CCSER1: variants seen among roughly 807,000 people sequenced by gnomAD.
The protein encoded by CCSER1 is serine-rich coiled-coil domain-containing protein 1.
A neutral mutation model predicts 82.0 loss-of-function variants in CCSER1; 41 were observed. The ratio of observed to expected loss-of-function variants is 0.50; its 90% confidence interval spans 0.39 to 0.65. CCSER1 has a LOEUF of 0.65. Ranked by LOEUF, CCSER1 falls within the 30% of genes least tolerant of loss-of-function variation. The pLI is 0.00. For synonymous variants in CCSER1, 414 were observed against 383.9 expected (o/e 1.08, Z -0.92); for missense variants, 1,119 against 1,064.2 (o/e 1.05, Z -0.72).
chr4:91,049,181 A>G (rs890836224), intron 9 of CCSER1, among the ~76,000 whole-genome samples: 2 of 152,180 alleles, frequency 1.3e-5, no homozygotes. Flanking sequence ...CAATGAAGAT[A>G]TGTTTTGTTT....
chr4:90,230,765 C>T lies in CCSER1; in HGVS notation c.-41-77479C>T, dbSNP rs1246647090. On this transcript the variant is annotated intron_variant, in intron 1 of 10. Coordinates refer to ENST00000509176, the MANE Select transcript of CCSER1 (RefSeq NM_001145065.2). The stretch of plus-strand genomic sequence containing the variant: ...AAAAAAGAGAGAAGAATCAAATAGA[C>T]GCAATAAAAAATGATAAAGGGGATA... Among the ~76,000 whole-genome samples, 700 of 151,428 alleles carry T rather than the reference C, an allele frequency of 4.6e-3. 6 individuals carry two copies. Among genetic ancestry groups the T allele is most frequent in the African/African-American group, 0.014 (592 of 41,294 alleles).
intron 10 of CCSER1, among the ~76,000 whole-genome samples, chr4:91,481,361 C>T (rs1054070592): frequency 1.3e-5 from 2 of 152,008 alleles, no homozygotes; most frequent in African/African-American, 4.8e-5. Flanking sequence ...TCTCTGTGTT[C>T]TCACGTGATC....
At chr4:91,114,046 G>T (rs1037888545) in intron 10 of CCSER1, among the ~76,000 whole-genome samples, 7 of 152,140 alleles carry the variant, frequency 4.6e-5, no homozygotes, top group African/African-American at 7.2e-5. Context: ...TAGAGACGGG[G>T]TTTCATCGTG....
chr4:90,659,964 GT>G (rs1730447160), intron 6 of CCSER1, among the ~76,000 whole-genome samples: 2 of 151,374 alleles, frequency 1.3e-5, no homozygotes, highest in Admixed American at 1.3e-4. Context: ...TTTTAGTGAG[GT>G]TTTTTGTTGT....
chr4:91,083,421 G>C lies in CCSER1; in HGVS notation c.2173-2529G>C, dbSNP rs186992285. ...CACAGGAGCCTGCCGGGGGGTTGGC[G>C]GGGGGAAGGATAGCATTAGGAGATA... On this transcript the variant is annotated intron_variant, in intron 9 of 10. Transcript: ENST00000509176. 2.4e-3 allele frequency among the ~76,000 whole-genome samples: 368 copies of C among 152,070 alleles called. 2 individuals carry two copies. Among genetic ancestry groups the C allele is most frequent in the African/African-American group, 8.7e-3 (359 of 41,468 alleles).
At chr4:90,872,175 A>G in intron 8 of CCSER1, among the ~76,000 whole-genome samples, 1 of 151,748 alleles carries the variant, frequency 6.6e-6, no homozygotes, top group Non-Finnish European at 1.5e-5. Flanking sequence ...CAATGTTATT[A>G]ATAAGTAATG....
At position 90,144,583 on chromosome 4, in the gene CCSER1, G is replaced by A. The variant is rs527896134; in HGVS notation, c.-42+16752G>A. Among the ~76,000 whole-genome samples, 7 of 152,254 alleles carry A rather than the reference G, an allele frequency of 4.6e-5. 1 individual carries two copies. In the South Asian group the frequency reaches 1.4e-3, roughly 32 times the overall value. The stretch of plus-strand genomic sequence containing the variant: ...AGCAGTGAGGGAAAAATGTGAAAAA[G>A]TAGTGGAATATAGTTAAAACATATC... On this transcript the variant is annotated intron_variant, in intron 1 of 10. Transcript: ENST00000509176.
chr4:91,269,572 A>G (rs1232386535), intron 10 of CCSER1, among the ~76,000 whole-genome samples: 1 of 152,178 alleles, frequency 6.6e-6, no homozygotes, highest in African/African-American at 2.4e-5. Context: ...TCATTCTACA[A>G]CATTTACAAT....
intron 10 of CCSER1, among the ~76,000 whole-genome samples, chr4:91,414,231 A>G (rs1183403920): frequency 6.6e-6 from 1 of 152,188 alleles, no homozygotes; most frequent in Non-Finnish European, 1.5e-5. Context: ...TATCACTACA[A>G]TAATGTATTA....
intron 10 of CCSER1, among the ~76,000 whole-genome samples, chr4:91,207,991 G>C (rs1736485543): frequency 6.6e-6 from 1 of 151,724 alleles, no homozygotes. Flanking sequence ...GATGTTGTTT[G>C]TATTTCCATA....
At chr4:90,607,692 A>C (rs1264745432) in intron 5 of CCSER1, among the ~76,000 whole-genome samples, 1 of 152,200 alleles carries the variant, frequency 6.6e-6, no homozygotes, top group Non-Finnish European at 1.5e-5. Context: ...TTACATCTGC[A>C]ATGACTCTTT....
chr4:90,796,593 C>A (rs1756074233), intron 7 of CCSER1, among the ~76,000 whole-genome samples: 1 of 152,022 alleles, frequency 6.6e-6, no homozygotes, highest in Non-Finnish European at 1.5e-5. Flanking sequence ...AACTTGAGAT[C>A]TTTCTAACTT....
chr4:91,100,904 GA>G lies in CCSER1; in HGVS notation c.2217+14917del, dbSNP rs532649505. ...AGATCACAGTAGTGTCTCAAATGGG[GA>G]AAAAAATAACAGTACACTCAGTTTA... On this transcript the variant is annotated intron_variant, in intron 10 of 10. Transcript: ENST00000509176. 8.5e-5 allele frequency among the ~76,000 whole-genome samples: 13 copies of G among 152,126 alleles called. 1 individual carries two copies. The highest frequency in any genetic ancestry group is 5.9e-4 in the Admixed American group (9 of 15,280).
chr4:90,669,638 G>A lies in CCSER1; in HGVS notation c.1932+41406G>A, dbSNP rs551596411. ...AATAAAAGCAACTAACAATTGAGTCGAACTTTTGATAAGTTTTAGGAGTCG... is the reference window on the plus strand; with the variant it reads ...AATAAAAGCAACTAACAATTGAGTCAAACTTTTGATAAGTTTTAGGAGTCG... On this transcript the variant is annotated intron_variant, in intron 6 of 10. Coordinates refer to ENST00000509176, the MANE Select transcript of CCSER1 (RefSeq NM_001145065.2). Among the ~76,000 whole-genome samples, 7 of 152,132 alleles carry A rather than the reference G, an allele frequency of 4.6e-5. No individual in the cohort carries two copies. The South Asian group carries it at 6.2e-4, about 14-fold the overall frequency.
chr4:91,162,697 G>A (rs896373909), intron 10 of CCSER1, among the ~76,000 whole-genome samples: 1 of 152,112 alleles, frequency 6.6e-6, no homozygotes, highest in African/African-American at 2.4e-5. Flanking sequence ...ATTTCTTCTA[G>A]GTTTTGTAGT....
intron 10 of CCSER1, among the ~76,000 whole-genome samples, chr4:91,512,764 G>A (rs1402252982): frequency 3.9e-5 from 6 of 152,012 alleles, no homozygotes; most frequent in Non-Finnish European, 8.8e-5. Flanking sequence ...CTCTTAGCTT[G>A]AATGTTATTG....
At chr4:90,539,821 C>A in intron 5 of CCSER1, among the ~76,000 whole-genome samples, 1 of 152,186 alleles carries the variant, frequency 6.6e-6, no homozygotes, top group African/African-American at 2.4e-5. Context: ...AGTACAAATA[C>A]ATTGTTATGG....
intron 10 of CCSER1, among the ~76,000 whole-genome samples, chr4:91,510,465 A>AT (rs1370820660): frequency 2.6e-5 from 4 of 152,042 alleles, no homozygotes; most frequent in Non-Finnish European, 5.9e-5. Flanking sequence ...AAAGGCATTC[A>AT]TTTTTCTCCA....
intron 1 of CCSER1, among the ~76,000 whole-genome samples, chr4:90,203,809 C>G (rs1351293209): frequency 2.0e-5 from 3 of 152,202 alleles, no homozygotes; most frequent in African/African-American, 7.2e-5. Flanking sequence ...CTCCCACCAA[C>G]AGTGTAAAAG....
Sources: gnomAD v4.1 joint callset for allele counts (sites outside exome capture counted in the v4.1 genomes callset) on GRCh38, gnomAD v4.1.1 for gene constraint, MANE v1.5 for transcripts, NCBI Gene and HGNC (gene_info 2026-07-23, HGNC 2026-07-21) for gene names.